NOL4: variants seen among roughly 807,000 people sequenced by gnomAD.
NOL4 encodes the protein cancer/testis antigen 125.
A neutral mutation model predicts 75.9 loss-of-function variants in NOL4; 17 were observed. The observed-to-expected ratio is 0.22, with a 90% confidence interval of 0.15 to 0.34. NOL4 has a LOEUF of 0.34. Among genes scored for constraint, NOL4 ranks in the 10% least tolerant of loss-of-function variants. The probability of loss-of-function intolerance (pLI) is 1.00; values close to 1 mark genes in which losing one functional copy is unlikely to be tolerated. For missense variants in NOL4, 614 were observed against 793.5 expected (o/e 0.77, Z 2.72); for synonymous variants, 292 against 289.9 (o/e 1.01, Z -0.07).
rs566917811 is a variant in NOL4, at chr18:33,896,971, C to G, written c.1543-13547G>C. Among the ~76,000 whole-genome samples the G allele has an allele frequency of 9.5e-4, 144 of 152,178 alleles. 1 individual carries two copies. Among genetic ancestry groups the G allele is most frequent in the Middle Eastern group, 3.4e-3 (1 of 294 alleles). On this transcript the variant is annotated intron_variant, in intron 9 of 10. Coordinates refer to ENST00000261592, the MANE Select transcript of NOL4 (RefSeq NM_003787.5). ...GGGCAAAAGACATGCACAGACACTT[C>G]TCAAAAGAAGACATACATGCGGCCA...
intron 1 of NOL4, among the ~76,000 whole-genome samples, chr18:34,162,971 CA>C (rs1237204810): frequency 6.6e-6 from 1 of 152,184 alleles, no homozygotes; most frequent in African/African-American, 2.4e-5. Flanking sequence ...AGCATATAAA[CA>C]GAACCTAAGA....
At chr18:33,905,667 T>C (rs536959185) in intron 9 of NOL4, among the ~76,000 whole-genome samples, 1 of 152,304 alleles carries the variant, frequency 6.6e-6, no homozygotes, top group East Asian at 1.9e-4. Context: ...TCTGATCATA[T>C]AGTTGTTGCT....
At chr18:34,088,784 G>A (rs1455036950) in intron 5 of NOL4, among the ~76,000 whole-genome samples, 5 of 151,960 alleles carry the variant, frequency 3.3e-5, no homozygotes, top group Non-Finnish European at 7.4e-5. Context: ...CTTTTTATGC[G>A]AAGATTCAGT....
chr18:34,184,728 C>T (rs2146353547), intron 1 of NOL4, among the ~76,000 whole-genome samples: 1 of 152,196 alleles, frequency 6.6e-6, no homozygotes, highest in Admixed American at 6.5e-5. Context: ...TTTCAAATTT[C>T]AGAATGGAGG....
intron 6 of NOL4, among the ~76,000 whole-genome samples, chr18:33,976,232 G>T (rs2071477785): frequency 6.6e-6 from 1 of 152,110 alleles, no homozygotes; most frequent in Admixed American, 6.6e-5. Flanking sequence ...CACAAGCCTG[G>T]TGTGCTATAT....
chr18:33,976,856 C>T (rs2071525752), intron 6 of NOL4, among the ~76,000 whole-genome samples: 1 of 151,914 alleles, frequency 6.6e-6, no homozygotes, highest in African/African-American at 2.4e-5. Context: ...TATTTTTATT[C>T]AAAAGGAAGT....
chr18:33,928,689 AG>A (rs1480493066), intron 9 of NOL4, among the ~76,000 whole-genome samples: 3 of 152,194 alleles, frequency 2.0e-5, no homozygotes, highest in African/African-American at 4.8e-5. Flanking sequence ...CTTATTCTAA[AG>A]TTTTTTTTAA....
chr18:33,899,789 G>A (rs1050068476), intron 9 of NOL4, among the ~76,000 whole-genome samples: 3 of 152,128 alleles, frequency 2.0e-5, no homozygotes, highest in Admixed American at 6.6e-5. Context: ...AGGGGGAATA[G>A]TGTTGGACTT....
chr18:33,984,868 T>A (rs1367592886), intron 6 of NOL4, among the ~76,000 whole-genome samples: 1 of 152,118 alleles, frequency 6.6e-6, no homozygotes, highest in African/African-American at 2.4e-5. Context: ...CTACATTTTT[T>A]CGACTCTGGA....
intron 10 of NOL4, among the ~76,000 whole-genome samples, chr18:33,864,701 C>A (rs938872550): frequency 3.9e-5 from 6 of 152,060 alleles, no homozygotes; most frequent in Non-Finnish European, 8.8e-5. Context: ...GTCTATGGTA[C>A]CAATTTCCTA....
chr18:34,044,842 C>A (rs1371919599), intron 5 of NOL4, among the ~76,000 whole-genome samples: 1 of 152,116 alleles, frequency 6.6e-6, no homozygotes, highest in Non-Finnish European at 1.5e-5. Context: ...ATAATGGCAC[C>A]CATGCACTTT....
At chr18:34,071,686 A>G (rs918474552) in intron 5 of NOL4, among the ~76,000 whole-genome samples, 1 of 152,216 alleles carries the variant, frequency 6.6e-6, no homozygotes, top group Non-Finnish European at 1.5e-5. Flanking sequence ...GTGGGCTAAT[A>G]TAAGTGAATG....
At chr18:34,118,009 G>A (rs2079942689) in intron 2 of NOL4, among the ~76,000 whole-genome samples, 2 of 152,126 alleles carry the variant, frequency 1.3e-5, no homozygotes, top group South Asian at 4.1e-4. Flanking sequence ...AATGATGAGT[G>A]TTCCTAAATA....
chr18:34,083,942 G>C (rs2078126340), intron 5 of NOL4, among the ~76,000 whole-genome samples: 1 of 152,152 alleles, frequency 6.6e-6, no homozygotes, highest in Non-Finnish European at 1.5e-5. Context: ...GCGGTTTGTT[G>C]GGGGTTCACT....
intron 1 of NOL4, among the ~76,000 whole-genome samples, chr18:34,214,929 A>G (rs118093010): frequency 8.5e-4 from 130 of 152,346 alleles, no homozygotes; most frequent in Non-Finnish European, 1.6e-3. Flanking sequence ...CAAATTCTGT[A>G]TGATTCCACT....
intron 5 of NOL4, among the ~76,000 whole-genome samples, chr18:34,027,867 T>A (rs2075426100): frequency 6.6e-6 from 1 of 152,132 alleles, no homozygotes; most frequent in African/African-American, 2.4e-5. Context: ...GTCAGACTGA[T>A]TTGAGGAAAA....
chr18:34,212,796 T>A (rs1007112358), intron 1 of NOL4, among the ~76,000 whole-genome samples: 4 of 152,172 alleles, frequency 2.6e-5, no homozygotes, highest in Admixed American at 1.3e-4. Flanking sequence ...TGCTCTCAGC[T>A]CTTAACCACA....
At chr18:33,913,803 T>C (rs2066547837) in intron 9 of NOL4, among the ~76,000 whole-genome samples, 1 of 152,096 alleles carries the variant, frequency 6.6e-6, no homozygotes, top group East Asian at 1.9e-4. Flanking sequence ...AGACACACAA[T>C]AAACTAAACC....
At chr18:33,891,360 C>T (rs2065083201) in intron 9 of NOL4, among the ~76,000 whole-genome samples, 1 of 152,102 alleles carries the variant, frequency 6.6e-6, no homozygotes, top group South Asian at 2.1e-4. Flanking sequence ...GCTCTGCTTT[C>T]TTCTATTTTA....
Sources: gnomAD v4.1 joint callset for allele counts (sites outside exome capture counted in the v4.1 genomes callset) on GRCh38, gnomAD v4.1.1 for gene constraint, MANE v1.5 for transcripts, NCBI Gene and HGNC (gene_info 2026-07-23, HGNC 2026-07-21) for gene names.